The following SEL1L2 variants were observed in gnomAD, a reference collection of about 807,000 sequenced individuals.
SEL1L2 encodes the protein SEL1L2 adaptor subunit of SYVN1 ubiquitin ligase, also known as protein sel-1 homolog 2.
Under a neutral mutation model 98.8 loss-of-function variants are expected in SEL1L2, and 89 were observed. That is an observed-to-expected ratio of 0.90 (90% CI 0.76 to 1.07). The LOEUF (loss-of-function observed/expected upper bound fraction) is 1.07. Ranked by LOEUF, SEL1L2 falls within the 50% of genes least tolerant of loss-of-function variation. The pLI, the probability that SEL1L2 is intolerant of heterozygous loss-of-function variation, is 0.00. For synonymous variants in SEL1L2, 262 were observed against 278.5 expected (o/e 0.94, Z 0.59); for missense variants, 788 against 812.0 (o/e 0.97, Z 0.36).
chr20:13,986,823 G>C (rs1015959349), intron 1 of SEL1L2, among the ~76,000 whole-genome samples: 1 of 152,132 alleles, frequency 6.6e-6, no homozygotes, highest in Non-Finnish European at 1.5e-5. Context: ...AAGTAATTGT[G>C]GTTTTCTCCA....
chr20:13,956,408 T>C (rs62207715), intron 1 of SEL1L2, among the ~76,000 whole-genome samples: 9,785 of 152,164 alleles, frequency 0.064, 356 homozygotes, highest in Non-Finnish European at 0.074. Context: ...CTATAAATCA[T>C]AGAGCTAATT....
Position 13,891,082 on chromosome 20 carries a change from C to A in SEL1L2, c.550-2570G>T, listed in dbSNP as rs58762943. 1.3e-3 allele frequency among the ~76,000 whole-genome samples: 205 copies of A among 152,146 alleles called. 3 individuals carry two copies. Among genetic ancestry groups the A allele is most frequent in the African/African-American group, 4.4e-3 (184 of 41,520 alleles). ...CAGAAGAAGAAGAGAGAGAAAGGGA[C>A]AGAGAGGATATTTGAAGATTAAATG... On this transcript the variant is annotated intron_variant, in intron 5 of 19. Coordinates refer to ENST00000284951, the MANE Select transcript of SEL1L2 (RefSeq NM_025229.2).
chr20:13,974,461 T>TTCTC (rs199767663), intron 1 of SEL1L2, among the ~76,000 whole-genome samples: 3 of 134,296 alleles, frequency 2.2e-5, no homozygotes, highest in East Asian at 4.4e-4. Flanking sequence ...TTTTTTCCTT[T>TTCTC]TCTCTCTCTC....
chr20:13,934,071 G>A (rs113380748), intron 2 of SEL1L2, among the ~76,000 whole-genome samples: 3,458 of 149,142 alleles, frequency 0.023, 53 homozygotes, highest in Non-Finnish European at 0.038. Flanking sequence ...CCCATCACCC[G>A]AGCAGTATAC....
In SEL1L2 at chr20:13,850,186, C is replaced by T. The variant is rs778367315; in HGVS notation, c.1947+5G>A. 1 of 1,613,504 alleles carries T rather than the reference C, an allele frequency of 6.2e-7. No homozygotes were observed. The highest frequency in any genetic ancestry group is 8.5e-7 in the Non-Finnish European group (1 of 1,179,684). On this transcript the variant is annotated splice_donor_5th_base_variant and intron_variant, in intron 19 of 19. Coordinates refer to ENST00000284951, the MANE Select transcript of SEL1L2 (RefSeq NM_025229.2). ...AGATTCAGGACCTGTTCAAGACAAACTTACATTAAAAAACAGGATATCCCG... is the reference window on the plus strand; with the variant it reads ...AGATTCAGGACCTGTTCAAGACAAATTTACATTAAAAAACAGGATATCCCG...
chr20:13,987,335 G>GT (rs1288036521), intron 1 of SEL1L2, among the ~76,000 whole-genome samples: 1 of 127,646 alleles, frequency 7.8e-6, no homozygotes, highest in Admixed American at 7.9e-5. Context: ...TTTTTTTGTT[G>GT]TTGTTGTTGT....
At chr20:13,887,331 T>G (rs1404248728) in intron 8 of SEL1L2, among the ~76,000 whole-genome samples, 1 of 152,204 alleles carries the variant, frequency 6.6e-6, no homozygotes, top group Non-Finnish European at 1.5e-5. Context: ...TCTGATTACA[T>G]TTAGACTAAT....
intron 1 of SEL1L2, among the ~76,000 whole-genome samples, chr20:13,967,647 G>A (rs972002450): frequency 1.3e-5 from 2 of 152,114 alleles, no homozygotes; most frequent in African/African-American, 4.8e-5. Context: ...CTGGCATTAA[G>A]GGCAGGAATA....
chr20:13,853,422 C>A (rs1393571415), intron 18 of SEL1L2, among the ~76,000 whole-genome samples: 3 of 151,960 alleles, frequency 2.0e-5, no homozygotes, highest in Non-Finnish European at 2.9e-5. Context: ...CCATGATGCC[C>A]AGGCTAGTCT....
chr20:13,994,471 AT>A (rs2052595464), upstream of SEL1L2, among the ~76,000 whole-genome samples: 1 of 151,974 alleles, frequency 6.6e-6, no homozygotes, highest in Non-Finnish European at 1.5e-5. Flanking sequence ...GTTCCAAATA[AT>A]TATTTGCCCA....
intron 4 of SEL1L2, among the ~76,000 whole-genome samples, chr20:13,916,298 C>T (rs866591547): frequency 6.6e-6 from 1 of 152,110 alleles, no homozygotes; most frequent in African/African-American, 2.4e-5. Context: ...GAGGAATGAG[C>T]GGGAATGAAA....
rs920452692 is a variant in SEL1L2, at chr20:13,887,807, T to A, written c.707A>T (p.Glu236Val). The A allele has an allele frequency of 1.9e-6, 3 of 1,613,364 alleles. No homozygotes were observed. The highest frequency in any genetic ancestry group is 2.7e-5 in the African/African-American group (2 of 75,032). Residue 236 changes from glutamate to valine, a missense_variant, in exon 8 of 20, where the codon GAA (glutamate) becomes GTA (valine). Physicochemically the swap from Glu to Val is moderately radical, Grantham distance 121 (BLOSUM62 -2). Coordinates refer to ENST00000284951, the MANE Select transcript of SEL1L2 (RefSeq NM_025229.2). ...TTTCTTGTAATAACTTAGGGCAACT[T>A]CACAATTCTGTAGAACATTGATTCC... is the stretch of plus-strand genomic sequence containing the variant. ...LSGINVLQNC[E>V]VALSYYKKVA...
At chr20:13,878,506 C>T (rs1476105719) in intron 10 of SEL1L2, among the ~76,000 whole-genome samples, 2 of 152,116 alleles carry the variant, frequency 1.3e-5, no homozygotes, top group Non-Finnish European at 2.9e-5. Context: ...TGTTAGGATA[C>T]GACCTTTCTG....
At chr20:13,893,360 A>C (rs2047286575) in intron 5 of SEL1L2, among the ~76,000 whole-genome samples, 1 of 152,222 alleles carries the variant, frequency 6.6e-6, no homozygotes, top group Admixed American at 6.5e-5. Flanking sequence ...AAAGAGCCAG[A>C]GCAGCCCTAC....
Position 13,877,515 on chromosome 20 carries a change from T to G in SEL1L2, c.1026+5A>C. 1 of 1,604,334 alleles carries G rather than the reference T, an allele frequency of 6.2e-7. No homozygotes were observed. The highest frequency in any genetic ancestry group is 1.1e-5 in the South Asian group (1 of 90,846). On this transcript the variant is annotated splice_donor_5th_base_variant and intron_variant, in intron 11 of 19. Transcript: ENST00000284951. ...GAAAACAATGAATCAAGATGAAGCA[T>G]GTACCTTTCCTATAAATGCCATGGC...
intron 2 of SEL1L2, among the ~76,000 whole-genome samples, chr20:13,936,738 T>C (rs138106606): frequency 2.6e-5 from 4 of 152,350 alleles, no homozygotes; most frequent in Middle Eastern, 3.4e-3. Flanking sequence ...GCTAGCTCTA[T>C]GTATATTAAG....
intron 11 of SEL1L2, among the ~76,000 whole-genome samples, chr20:13,876,406 C>CTTTTTTTTTTTT (rs11087067): frequency 9.8e-6 from 1 of 101,948 alleles, no homozygotes; most frequent in African/African-American, 3.5e-5. Flanking sequence ...CTCTCTCTCT[C>CTTTTTTTTTTTT]TTTTTTTTTT....
At chr20:13,898,343 TGAGACACA>T (rs2047512824) in intron 5 of SEL1L2, among the ~76,000 whole-genome samples, 1 of 152,142 alleles carries the variant, frequency 6.6e-6, no homozygotes, top group Admixed American at 6.5e-5. Context: ...CTTCAGACTT[TGAGACACA>T]GACACATTAA....
At chr20:13,919,644 C>A (rs544125704) in intron 3 of SEL1L2, among the ~76,000 whole-genome samples, 1 of 152,096 alleles carries the variant, frequency 6.6e-6, no homozygotes, top group Non-Finnish European at 1.5e-5. Context: ...CTTGGCTGGG[C>A]GCGGTGACTC....
Sources: allele counts gnomAD v4.1 joint callset (sites outside exome capture counted in the v4.1 genomes callset), GRCh38; gene constraint gnomAD v4.1.1; transcripts MANE v1.5; gene names NCBI Gene and HGNC (gene_info 2026-07-23, HGNC 2026-07-21).